CAPN13: variants seen among roughly 807,000 people sequenced by gnomAD.
CAPN13 encodes the protein calpain 13.
Under a neutral mutation model 98.4 loss-of-function variants are expected in CAPN13, and 90 were observed. The ratio of observed to expected loss-of-function variants is 0.92; its 90% CI spans 0.77 to 1.09. The LOEUF is 1.09. CAPN13 is among the 50% of genes least tolerant of loss of function. CAPN13 has a pLI of 0.00. For missense variants in CAPN13, 887 were observed against 841.3 expected (o/e 1.05, Z -0.67); for synonymous variants, 330 against 305.5 (o/e 1.08, Z -0.84).
At chr2:30,745,491 G>A (rs1049539625) in intron 12 of CAPN13, among the ~76,000 whole-genome samples, 2 of 152,196 alleles carry the variant, frequency 1.3e-5, no homozygotes, top group Non-Finnish European at 2.9e-5. Flanking sequence ...GGTTTCACTT[G>A]AATGTTAGCA....
intron 5 of CAPN13, 129 bp from the exon 6 acceptor site, chr2:30,764,435 C>T: frequency 1.1e-6 from 1 of 923,348 alleles, no homozygotes; most frequent in Non-Finnish European, 1.6e-6. Flanking sequence ...ATCATGGCCA[C>T]CCACCTCCCC....
Position 30,750,845 on chromosome 2 carries a change from C to T in CAPN13, c.1236+258G>A, listed in dbSNP as rs575111207. On this transcript the variant is annotated intron_variant, in intron 11 of 22. Coordinates refer to ENST00000295055, the MANE Select transcript of CAPN13 (RefSeq NM_144575.3). Reference sequence around the variant, plus strand: ...CTTTTTGAGTAGCAAGCATTAGATTCTGCAGCATCCCAGAAAACGCTGACA... The same window carrying T: ...CTTTTTGAGTAGCAAGCATTAGATTTTGCAGCATCCCAGAAAACGCTGACA... 4.6e-5 allele frequency among the ~76,000 whole-genome samples: 7 copies of T among 152,314 alleles called. 1 individual carries two copies. Among genetic ancestry groups the T allele is most frequent in the African/African-American group, 1.7e-4 (7 of 41,576 alleles).
intron 19 of CAPN13, 33 bp downstream of exon 19, chr2:30,734,416 T>G: frequency 6.3e-7 from 1 of 1,583,170 alleles, no homozygotes; most frequent in Non-Finnish European, 8.7e-7. Flanking sequence ...TCCCCGGACC[T>G]TGGGCACCAC....
chr2:30,723,686 G>T (rs1447027609), intron 22 of CAPN13, among the ~76,000 whole-genome samples: 1 of 152,136 alleles, frequency 6.6e-6, no homozygotes, highest in Non-Finnish European at 1.5e-5. Flanking sequence ...CAGAGGAGTG[G>T]TTTTTCTCAA....
intron 20 of CAPN13, among the ~76,000 whole-genome samples, chr2:30,731,961 G>C (rs918971203): frequency 6.6e-6 from 1 of 152,008 alleles, no homozygotes; most frequent in Non-Finnish European, 1.5e-5. Context: ...ACTGTGGCTC[G>C]GGGTTTCACA....
At chr2:30,748,545 G>T (rs1405611828) in intron 11 of CAPN13, among the ~76,000 whole-genome samples, 8 of 152,116 alleles carry the variant, frequency 5.3e-5, no homozygotes, top group Admixed American at 5.2e-4. Context: ...GACTGAGTGT[G>T]TGTGTGTGTG....
At chr2:30,796,828 A>G (rs1289785325) in intron 1 of CAPN13, among the ~76,000 whole-genome samples, 4 of 152,230 alleles carry the variant, frequency 2.6e-5, no homozygotes. Flanking sequence ...GGCTCTGACC[A>G]GATTCAACAG....
Position 30,738,391 on chromosome 2 carries a change from T to TG in CAPN13, c.1594+8dup, listed in dbSNP as rs1195343805. 6.2e-7 allele frequency: 1 copy of TG among 1,609,720 alleles called. No individual in the cohort carries two copies. ...GGATGGGGCCAGCTTGCCCTTGGGC[T>TG]GCTCATACCTGTTAGAAGCTCCTGG... On this transcript the variant is annotated intron_variant, in intron 16 of 22. Coordinates refer to ENST00000295055, the MANE Select transcript of CAPN13 (RefSeq NM_144575.3).
At chr2:30,732,853 G>T (rs1435249509) in intron 19 of CAPN13, among the ~76,000 whole-genome samples, 1 of 152,184 alleles carries the variant, frequency 6.6e-6, no homozygotes, top group Non-Finnish European at 1.5e-5. Context: ...GAGCTGCTGG[G>T]ACACCTGGGG....
intron 20 of CAPN13, 47 bp from the exon 21 acceptor site, chr2:30,731,446 C>T: frequency 6.4e-7 from 1 of 1,554,596 alleles, no homozygotes; most frequent in East Asian, 2.3e-5. Flanking sequence ...AGGAAGGAAT[C>T]CAGGCAGTTC....
At chr2:30,723,833 C>G (rs566976524) in intron 22 of CAPN13, among the ~76,000 whole-genome samples, 1 of 152,240 alleles carries the variant, frequency 6.6e-6, no homozygotes, top group South Asian at 2.1e-4. Flanking sequence ...GTCTCTCAGA[C>G]TACTTGCTAG....
At chr2:30,732,192 C>T (rs938711484) in intron 20 of CAPN13, among the ~76,000 whole-genome samples, 6 of 152,098 alleles carry the variant, frequency 3.9e-5, no homozygotes, top group African/African-American at 1.4e-4. Flanking sequence ...AACCTTGTTC[C>T]TGAGAGAGGG....
rs748932423 is a variant in CAPN13 at position 30,730,722 on chromosome 2, T to A, written c.*30+8A>T. The stretch of plus-strand genomic sequence containing the variant: ...GGAGGGAAAGACTCCAAAGCTACCA[T>A]GTCTTACCTGAGCCATGGGTCTGCT... On this transcript the variant is annotated splice_region_variant and intron_variant, in intron 22 of 22. Transcript: ENST00000295055. 3 of 780,618 alleles carry A rather than the reference T, an allele frequency of 3.8e-6. No individual in the cohort carries two copies. Among genetic ancestry groups the A allele is most frequent in the South Asian group, 1.3e-5 (1 of 74,592 alleles). 48.4% of individuals were successfully genotyped at this position (780,618 alleles called of 1,614,324 possible).
chr2:30,783,006 G>A (rs1007744618), intron 2 of CAPN13, among the ~76,000 whole-genome samples: 7 of 152,206 alleles, frequency 4.6e-5, no homozygotes, highest in Non-Finnish European at 7.3e-5. Flanking sequence ...AACAGTGCGA[G>A]AAGAACATTT....
chr2:30,791,464 T>C (rs1395302209), intron 1 of CAPN13, among the ~76,000 whole-genome samples: 1 of 152,202 alleles, frequency 6.6e-6, no homozygotes, highest in Non-Finnish European at 1.5e-5. Context: ...AGTTGCTTCA[T>C]GAAACACTCC....
intron 7 of CAPN13, among the ~76,000 whole-genome samples, chr2:30,761,339 T>C (rs182618145): frequency 6.6e-6 from 1 of 152,206 alleles, no homozygotes; most frequent in East Asian, 1.9e-4. Context: ...AAGTGTACAC[T>C]ATGGGGGCAC....
chr2:30,724,993 A>G (rs556882332), intron 22 of CAPN13, among the ~76,000 whole-genome samples: 10 of 152,286 alleles, frequency 6.6e-5, no homozygotes, highest in South Asian at 6.2e-4. Flanking sequence ...CCCTTTCCTC[A>G]AGAAACTGTA....
At chr2:30,764,473 T>C (rs901134104) in intron 5 of CAPN13, among the ~76,000 whole-genome samples, 167 bp from the exon 6 acceptor site, 4 of 152,136 alleles carry the variant, frequency 2.6e-5, no homozygotes, top group South Asian at 2.1e-4. Flanking sequence ...TCTAGCACTG[T>C]CTGCAGCTCC....
rs866528018 is a variant in CAPN13, at chr2:30,738,412, C to T, written c.1582G>A (p.Glu528Lys). The stretch of plus-strand genomic sequence containing the variant: ...GGGCTGCTCATACCTGTTAGAAGCT[C>T]CTGGTTGAGAAGGCCCTGAAGCTGG... ...ATQLQGLLNQELLTGPPGDMF... is the reference protein window; with the variant it reads ...ATQLQGLLNQKLLTGPPGDMF... The change falls in exon 16 of 23, where the codon GAG (glutamate) becomes AAG (lysine). Residue 528 changes from glutamate to lysine, a missense_variant. Physicochemically the swap from Glu to Lys is moderately conservative, Grantham distance 56 (BLOSUM62 1). Transcript: ENST00000295055. 1 of 1,608,810 alleles carries T rather than the reference C, an allele frequency of 6.2e-7. No individual in the cohort carries two copies. The highest frequency in any genetic ancestry group is 1.7e-4 in the Middle Eastern group (1 of 6,056).
Sources: allele counts gnomAD v4.1 joint callset (sites outside exome capture counted in the v4.1 genomes callset), GRCh38; gene constraint gnomAD v4.1.1; transcripts MANE v1.5; gene names NCBI Gene and HGNC (gene_info 2026-07-23, HGNC 2026-07-21).